Variants in ABLIM1 observed in about 807,000 individuals in gnomAD.
ABLIM1 encodes the protein actin-binding LIM protein 1.
A neutral mutation model predicts 107.0 loss-of-function variants in ABLIM1; 40 were observed. The observed-to-expected ratio is 0.37, with a 90% CI of 0.29 to 0.49. The LOEUF (loss-of-function observed/expected upper bound fraction) is 0.49, where lower values mean the gene tolerates loss of function less well. Ranked by LOEUF, ABLIM1 falls within the 20% of genes least tolerant of loss-of-function variation. The pLI, the probability that ABLIM1 is intolerant of heterozygous loss-of-function variation, is 0.97. For synonymous variants in ABLIM1, 357 were observed against 357.3 expected (o/e 1.00, Z 0.01); for missense variants, 857 against 1,008.5 (o/e 0.85, Z 2.04).
intron 1 of ABLIM1, among the ~76,000 whole-genome samples, chr10:114,693,645 A>G (rs1206175359): frequency 3.3e-5 from 5 of 149,880 alleles, no homozygotes; most frequent in Admixed American, 3.3e-4. Flanking sequence ...CTTTCTTTTT[A>G]TTTCTTTTTT....
chr10:114,715,194 C>T (rs749669030), intron 1 of ABLIM1, among the ~76,000 whole-genome samples: 1 of 152,092 alleles, frequency 6.6e-6, no homozygotes, highest in Non-Finnish European at 1.5e-5. Flanking sequence ...AAAAGATTTC[C>T]CAGACAGGCT....
intron 1 of ABLIM1, among the ~76,000 whole-genome samples, chr10:114,609,176 C>T (rs893959044): frequency 5.9e-5 from 9 of 152,174 alleles, no homozygotes; most frequent in African/African-American, 2.2e-4. Flanking sequence ...GATGTGATCA[C>T]AGACAGTCTG....
intron 1 of ABLIM1, among the ~76,000 whole-genome samples, chr10:114,615,798 T>G (rs2077094581): frequency 6.6e-6 from 1 of 151,808 alleles, no homozygotes; most frequent in African/African-American, 2.4e-5. Flanking sequence ...AAAAGACTCA[T>G]TTAAGTCTCT....
intron 2 of ABLIM1, among the ~76,000 whole-genome samples, chr10:114,583,136 A>T (rs2073615489): frequency 2.0e-5 from 3 of 151,860 alleles, no homozygotes; most frequent in Non-Finnish European, 4.4e-5. Flanking sequence ...TATTATACAG[A>T]ATCTATAAGG....
chr10:114,746,315 C>T (rs1318800277), intron 1 of ABLIM1, among the ~76,000 whole-genome samples: 1 of 152,150 alleles, frequency 6.6e-6, no homozygotes, highest in Non-Finnish European at 1.5e-5. Flanking sequence ...TTTTAGATTC[C>T]ACATATAAGC....
At chr10:114,786,920 G>A in the ABLIM1 span, among the ~76,000 whole-genome samples, 1,354 of 151,984 alleles carry the variant, frequency 8.9e-3, 14 homozygotes, top group African/African-American at 0.022. Context: ...CGGCCACCCC[G>A]TCTGGGAAGT....
At chr10:114,733,955 G>A (rs1425947792) in intron 1 of ABLIM1, among the ~76,000 whole-genome samples, 1 of 152,074 alleles carries the variant, frequency 6.6e-6, no homozygotes, top group Non-Finnish European at 1.5e-5. Flanking sequence ...CTGCCTCCCA[G>A]ATTCAAGCAA....
At chr10:114,745,082 C>A (rs2082356233) in intron 1 of ABLIM1, among the ~76,000 whole-genome samples, 1 of 152,146 alleles carries the variant, frequency 6.6e-6, no homozygotes, top group African/African-American at 2.4e-5. Context: ...ACTCCACCAG[C>A]AATTCTTGTC....
rs780579630 is a variant in ABLIM1, at chr10:114,716,237, GC to G, written c.-213+51823del. Among the ~76,000 whole-genome samples the G allele has an allele frequency of 2.6e-5, 4 of 152,262 alleles. No individual in the cohort carries two copies. In the East Asian group the frequency reaches 7.7e-4, roughly 29 times the overall value. ...AATAAGAAGTGGAGAAAATACAGAAGCTTTTGTCATCATCTGGCATGTTCCT... is the reference window on the plus strand; with the variant it reads ...AATAAGAAGTGGAGAAAATACAGAAGTTTTGTCATCATCTGGCATGTTCCT... On this transcript the variant is annotated intron_variant, in intron 1 of 15. Transcript: ENST00000651092.
chr10:114,463,624 C>T (rs983735650), intron 12 of ABLIM1, among the ~76,000 whole-genome samples: 8 of 151,926 alleles, frequency 5.3e-5, no homozygotes, highest in African/African-American at 1.9e-4. Context: ...TTGATTTTGC[C>T]TACATAGAAG....
chr10:114,635,610 G>A lies in ABLIM1; in HGVS notation c.244+22347C>T, dbSNP rs534550267. ...CACATCTCAGGTCACTGCAACCTCCGCCTCCTAGGTTTCAAGCGGTTCTCC... is the reference window on the plus strand; with the variant it reads ...CACATCTCAGGTCACTGCAACCTCCACCTCCTAGGTTTCAAGCGGTTCTCC... On this transcript the variant is annotated intron_variant, in intron 1 of 22. Transcript: ENST00000533213. 3.3e-5 allele frequency among the ~76,000 whole-genome samples: 5 copies of A among 152,310 alleles called. 1 individual carries two copies. The East Asian group carries it at 7.7e-4, about 24-fold the overall frequency.
the ABLIM1 span, chr10:114,777,863 T>C: frequency 6.6e-6 from 1 of 152,266 alleles, no homozygotes; most frequent in Admixed American, 6.5e-5. Context: ...GTTCATATGG[T>C]GTTCATTGTT....
At chr10:114,784,689 A>AG in the ABLIM1 span, among the ~76,000 whole-genome samples, 6 of 109,748 alleles carry the variant, frequency 5.5e-5, no homozygotes, top group African/African-American at 2.1e-4. Flanking sequence ...AAAAAGAAAA[A>AG]GAAAAAAAAA....
At chr10:114,473,200 C>T (rs61870095) in intron 9 of ABLIM1, 68 bp from the exon 10 acceptor site, 18,046 of 1,466,296 alleles carry the variant, frequency 0.012, 159 homozygotes, top group Non-Finnish European at 0.015. Flanking sequence ...GTAGTTGGCG[C>T]ATTTCCTGTT....
chr10:114,765,078 T>G (rs1410233434), intron 1 of ABLIM1: 1 of 152,596 alleles, frequency 6.6e-6, no homozygotes, highest in Non-Finnish European at 1.5e-5. Flanking sequence ...CTTTTCTTTT[T>G]TTTGGAGATG....
chr10:114,478,757 T>G (rs1357938021), intron 8 of ABLIM1, among the ~76,000 whole-genome samples: 1 of 152,210 alleles, frequency 6.6e-6, no homozygotes, highest in African/African-American at 2.4e-5. Flanking sequence ...CTAATACACT[T>G]GGAGATTCGG....
chr10:114,669,347 G>A (rs181007693), intron 1 of ABLIM1, among the ~76,000 whole-genome samples: 69 of 152,312 alleles, frequency 4.5e-4, no homozygotes, highest in Middle Eastern at 3.4e-3. Flanking sequence ...AGCACTCACA[G>A]AAGGCTTCCA....
intron 1 of ABLIM1, among the ~76,000 whole-genome samples, chr10:114,703,797 C>G (rs927922940): frequency 6.6e-6 from 1 of 152,180 alleles, no homozygotes; most frequent in African/African-American, 2.4e-5. Flanking sequence ...CTGAACAGAG[C>G]CCAGAAGGGT....
chr10:114,592,726 G>C (rs1426353165), intron 2 of ABLIM1, among the ~76,000 whole-genome samples: 1 of 152,020 alleles, frequency 6.6e-6, no homozygotes, highest in African/African-American at 2.4e-5. Context: ...ATGAAGATGG[G>C]GCCATCAGGA....
Sources: allele counts gnomAD v4.1 joint callset (sites outside exome capture counted in the v4.1 genomes callset), GRCh38; gene constraint gnomAD v4.1.1; transcripts MANE v1.5; gene names NCBI Gene and HGNC (gene_info 2026-07-23, HGNC 2026-07-21).